Variants in CACNG7 observed in about 807,000 individuals in gnomAD.
CACNG7 encodes the protein voltage-dependent calcium channel gamma-7 subunit.
Under a neutral mutation model 26.3 loss-of-function variants are expected in CACNG7, and 9 were observed. The ratio of observed to expected loss-of-function variants is 0.34; its 90% CI spans 0.21 to 0.60. CACNG7 has a LOEUF of 0.60. CACNG7 is among the 20% of genes least tolerant of loss of function. The pLI is 0.81. For missense variants in CACNG7, 297 were observed against 380.4 expected (o/e 0.78, Z 1.82); for synonymous variants, 170 against 157.0 (o/e 1.08, Z -0.62).
Position 53,942,540 on chromosome 19 carries a change from T to C in CACNG7, c.*247T>C. 7.2e-7 allele frequency: 1 copy of C among 1,380,108 alleles called. No individual in the cohort carries two copies. Among genetic ancestry groups the C allele is most frequent in the Non-Finnish European group, 9.3e-7 (1 of 1,070,256 alleles). 85.5% of individuals were successfully genotyped at this position (1,380,108 alleles called of 1,614,324 possible). A position where few individuals can be genotyped will look rare whatever the true frequency, so the allele number is the denominator to read the frequency against. Reference sequence around the variant, plus strand: ...CTCACTCCCAAATGACTCCTCCCCTTCGTTGGCCCGCCCCTTTCCTCTGGC... The same window carrying C: ...CTCACTCCCAAATGACTCCTCCCCTCCGTTGGCCCGCCCCTTTCCTCTGGC... On this transcript the variant is annotated 3_prime_UTR_variant, in exon 6 of 6. Coordinates refer to ENST00000391767, the MANE Select transcript of CACNG7 (RefSeq NM_031896.5). This position sits in a 1 kb window ranked among gnomAD's most constrained non-coding sequence, Gnocchi z 5.9.
At chr19:53,929,258 A>T (rs1471459532) in intron 4 of CACNG7, among the ~76,000 whole-genome samples, 2 of 150,002 alleles carry the variant, frequency 1.3e-5, no homozygotes, top group African/African-American at 5.1e-5. Context: ...ACCATCCCTG[A>T]TGGATGAGAG....
intron 4 of CACNG7, among the ~76,000 whole-genome samples, chr19:53,916,662 ATT>A (rs1223891653): frequency 0.023 from 2,489 of 106,136 alleles, 74 homozygotes; most frequent in African/African-American, 0.07. Flanking sequence ...CTAATTTTCT[ATT>A]TTTTTTTTTT....
At chr19:53,916,282 C>T (rs1167107799) in intron 4 of CACNG7, among the ~76,000 whole-genome samples, 2 of 152,130 alleles carry the variant, frequency 1.3e-5, no homozygotes, top group African/African-American at 4.8e-5. Context: ...TGTGATCTCA[C>T]ACCCGTCTCC....
chr19:53,931,685 TAAAAAAA>T (rs747430354), intron 4 of CACNG7, among the ~76,000 whole-genome samples: 7 of 45,002 alleles, frequency 1.6e-4, no homozygotes, highest in South Asian at 2.3e-3. Flanking sequence ...AGACTCTGTC[TAAAAAAA>T]AAAAAAAAAA....
At chr19:53,924,666 G>C (rs1317659026) in intron 4 of CACNG7, among the ~76,000 whole-genome samples, 1 of 150,574 alleles carries the variant, frequency 6.6e-6, no homozygotes, top group East Asian at 2.0e-4. Context: ...TCCGAGGTCT[G>C]GTATTGGTGG....
At chr19:53,922,083 G>C (rs369196494) in intron 4 of CACNG7, among the ~76,000 whole-genome samples, 9 of 100,742 alleles carry the variant, frequency 8.9e-5, no homozygotes, top group African/African-American at 1.4e-4. Context: ...TCTGGTATTG[G>C]TGGAGTTGTC....
intron 1 of CACNG7, among the ~76,000 whole-genome samples, chr19:53,910,325 G>C (rs976615724): frequency 6.7e-6 from 1 of 150,278 alleles, no homozygotes; most frequent in Non-Finnish European, 1.5e-5. Context: ...TGGCCAGAGC[G>C]TTCCCTGACT....
chr19:53,919,067 G>GC (rs2068917397), intron 4 of CACNG7, among the ~76,000 whole-genome samples: 1 of 152,190 alleles, frequency 6.6e-6, no homozygotes, highest in African/African-American at 2.4e-5. Context: ...ACCGCACGTT[G>GC]CCCTTATTTT....
At position 53,909,921 on chromosome 19, in the gene CACNG7, T is replaced by C. The variant is rs1478702590; in HGVS notation, c.-30+404T>C. Among the ~76,000 whole-genome samples, 1 of 151,674 alleles carries C rather than the reference T, an allele frequency of 6.6e-6. No individual in the cohort carries two copies. Among genetic ancestry groups the C allele is most frequent in the Non-Finnish European group, 1.5e-5 (1 of 67,934 alleles). ...GATGGAGGAGAGATGGAGTTTGGGC[T>C]TAAGACTTGCAGAAGGGGACCCCGG... is the stretch of plus-strand genomic sequence containing the variant. On this transcript the variant is annotated intron_variant, in intron 1 of 5. Coordinates refer to ENST00000391767, the MANE Select transcript of CACNG7 (RefSeq NM_031896.5). This position sits in a 1 kb window ranked among gnomAD's most constrained non-coding sequence, Gnocchi z 5.1.
At chr19:53,925,645 G>T (rs1484245502) in intron 4 of CACNG7, among the ~76,000 whole-genome samples, 1 of 152,224 alleles carries the variant, frequency 6.6e-6, no homozygotes, top group African/African-American at 2.4e-5. Flanking sequence ...GCATTCAATT[G>T]TGGAGAAACC....
intron 1 of CACNG7, among the ~76,000 whole-genome samples, chr19:53,910,037 G>C (rs759618564): frequency 9.9e-5 from 15 of 152,278 alleles, no homozygotes; most frequent in East Asian, 1.9e-4. Flanking sequence ...AGGAGGAAAG[G>C]CTGGAGGAAT....
chr19:53,926,742 A>G (rs1228737509), intron 4 of CACNG7, among the ~76,000 whole-genome samples: 2 of 151,610 alleles, frequency 1.3e-5, no homozygotes, highest in East Asian at 2.0e-4. Flanking sequence ...GTGAAACCCT[A>G]TCTCCACTAA....
chr19:53,937,951 A>T (rs1001079525), intron 4 of CACNG7, among the ~76,000 whole-genome samples: 2 of 152,110 alleles, frequency 1.3e-5, no homozygotes, highest in South Asian at 4.1e-4. Flanking sequence ...AGAAATAGAC[A>T]TGGGGAAATC....
chr19:53,930,706 C>G (rs1171775260), intron 4 of CACNG7, among the ~76,000 whole-genome samples: 1 of 151,946 alleles, frequency 6.6e-6, no homozygotes. Flanking sequence ...TGGTGTTTCA[C>G]CATGTTGGCC....
chr19:53,942,079 CGGA>C lies in CACNG7; in HGVS notation c.622_624del (p.Glu208del), dbSNP rs748130487. The stretch of plus-strand genomic sequence containing the variant: ...GTGTACCTGTTCACCAAGCGCTACG[CGGA>C]GGAGGAGATGTACCGTCCACACCCG... On this transcript the variant is annotated inframe_deletion, in exon 6 of 6. Transcript: ENST00000391767. The surrounding 1 kb of genome is among the most constrained non-coding windows in gnomAD (Gnocchi z 5.9). 4.2e-5 allele frequency: 68 copies of C among 1,613,460 alleles called. No homozygotes were observed. The African/African-American group carries it at 4.5e-4, about 11-fold the overall frequency.
At chr19:53,913,320 TAA>T (rs111503095) in intron 2 of CACNG7, among the ~76,000 whole-genome samples, 2 of 143,710 alleles carry the variant, frequency 1.4e-5, no homozygotes, top group African/African-American at 2.5e-5. Flanking sequence ...TGGGCAAGAT[TAA>T]AAAAAAAAAA....
At chr19:53,930,208 CCAT>C (rs1295703339) in intron 4 of CACNG7, among the ~76,000 whole-genome samples, 103 of 145,674 alleles carry the variant, frequency 7.1e-4, no homozygotes, top group African/African-American at 2.8e-3. Flanking sequence ...TCCTACCTCA[CCAT>C]TTTTTTTTTT....
Position 53,939,933 on chromosome 19 carries a change from A to C in CACNG7, c.425-1537A>C, listed in dbSNP as rs1227427266. On this transcript the variant is annotated intron_variant, in intron 4 of 5. Coordinates refer to ENST00000391767, the MANE Select transcript of CACNG7 (RefSeq NM_031896.5). The surrounding 1 kb of genome is among the most constrained non-coding windows in gnomAD (Gnocchi z 4.2). ...AACATCATTTACTTATGTGAAAGCC[A>C]TTCTTAGCTGGTGGGCCATACACAA... 6.6e-6 allele frequency among the ~76,000 whole-genome samples: 1 copy of C among 152,148 alleles called. No individual in the cohort carries two copies. Among genetic ancestry groups the C allele is most frequent in the East Asian group, 1.9e-4 (1 of 5,194 alleles).
In CACNG7 at chr19:53,925,256, TG is replaced by T. The variant is rs571485290; in HGVS notation, c.424+9753del. Reference sequence around the variant, plus strand: ...GACTTGCCCCAGGTCTGGTCATTGGTGGAGTTGCCCCAGGTCTGGTCATTGG... The same window carrying T: ...GACTTGCCCCAGGTCTGGTCATTGGTGAGTTGCCCCAGGTCTGGTCATTGG... On this transcript the variant is annotated intron_variant, in intron 4 of 5. Coordinates refer to ENST00000391767, the MANE Select transcript of CACNG7 (RefSeq NM_031896.5). Among the ~76,000 whole-genome samples the T allele has an allele frequency of 4.5e-3, 617 of 136,590 alleles. 13 individuals carry two copies. Among genetic ancestry groups the T allele is most frequent in the African/African-American group, 0.016 (580 of 35,602 alleles). 89.6% of individuals were successfully genotyped at this position (136,590 alleles called of 152,430 possible).
Sources: gnomAD v4.1 joint callset for allele counts (sites outside exome capture counted in the v4.1 genomes callset) on GRCh38, gnomAD v4.1.1 for gene constraint, Gnocchi (gnomAD v3.1) non-coding constraint, MANE v1.5 for transcripts, NCBI Gene and HGNC (gene_info 2026-07-23, HGNC 2026-07-21) for gene names.